DTNA: variants seen among roughly 807,000 people sequenced by gnomAD.
DTNA encodes the protein dystrobrevin alpha.
In DTNA, 43 loss-of-function variants were observed where a neutral mutation model predicts 100.7. That is an observed-to-expected ratio of 0.43 (90% CI 0.33 to 0.55). The LOEUF (loss-of-function observed/expected upper bound fraction) is 0.55, where lower values mean the gene tolerates loss of function less well. DTNA is among the 20% of genes least tolerant of loss of function. The probability of loss-of-function intolerance (pLI) is 0.04; values close to 1 mark genes in which losing one functional copy is unlikely to be tolerated. For missense variants in DTNA, 798 were observed against 953.9 expected, an observed-to-expected ratio of 0.84 and a Z score of 2.15; for synonymous variants, 349 against 347.9, an observed-to-expected ratio of 1.00 and a Z score of -0.04.
intron 1 of DTNA, among the ~76,000 whole-genome samples, chr18:34,689,464 AC>A (rs2079414868): frequency 6.6e-6 from 1 of 152,134 alleles, no homozygotes; most frequent in African/African-American, 2.4e-5. Flanking sequence ...CCTGGGTATC[AC>A]CAGTGAAGGC....
intron 1 of DTNA, among the ~76,000 whole-genome samples, chr18:34,523,844 A>G (rs2042365265): frequency 1.3e-5 from 2 of 152,170 alleles, no homozygotes; most frequent in African/African-American, 2.4e-5. Flanking sequence ...GTCTTTTACA[A>G]TCTTGCTTTC....
chr18:34,527,402 A>C (rs78917330), intron 1 of DTNA, among the ~76,000 whole-genome samples: 14,216 of 152,106 alleles, frequency 0.093, 892 homozygotes, highest in Non-Finnish European at 0.14. Context: ...GATGCTGCCA[A>C]AAGTTAATAA....
intron 1 of DTNA, among the ~76,000 whole-genome samples, chr18:34,719,108 A>C (rs1186832835): frequency 6.6e-6 from 1 of 151,994 alleles, no homozygotes; most frequent in African/African-American, 2.4e-5. Context: ...TGGGTGGATC[A>C]CCTGAGGTCA....
chr18:34,727,178 A>T (rs1420326362), intron 1 of DTNA, among the ~76,000 whole-genome samples: 6 of 152,238 alleles, frequency 3.9e-5, no homozygotes, highest in African/African-American at 1.4e-4. Flanking sequence ...ACAGGGCAGC[A>T]GGGTCCTGGG....
chr18:34,768,709 C>T (rs1482575561), intron 3 of DTNA, among the ~76,000 whole-genome samples: 3 of 152,142 alleles, frequency 2.0e-5, no homozygotes, highest in Admixed American at 2.0e-4. Flanking sequence ...TCAGTCTGTC[C>T]ATTCATTGAC....
At chr18:34,828,986 A>T in intron 10 of DTNA, 1 of 1,595,094 alleles carries the variant, frequency 6.3e-7, no homozygotes, top group East Asian at 2.2e-5. Context: ...CATTCTGCAA[A>T]TATCAAGCAG....
At chr18:34,695,772 A>T (rs12604414) in intron 1 of DTNA, among the ~76,000 whole-genome samples, 1 of 152,198 alleles carries the variant, frequency 6.6e-6, no homozygotes, top group Non-Finnish European at 1.5e-5. Flanking sequence ...CCTTTGAAAT[A>T]CTTTTTACAG....
chr18:34,841,023 C>G (rs2096258097), intron 13 of DTNA, among the ~76,000 whole-genome samples: 1 of 152,020 alleles, frequency 6.6e-6, no homozygotes, highest in Non-Finnish European at 1.5e-5. Context: ...GTTTTTAAAA[C>G]ACTTACCTCA....
At chr18:34,727,004 T>G (rs1317867604) in intron 1 of DTNA, among the ~76,000 whole-genome samples, 5 of 152,184 alleles carry the variant, frequency 3.3e-5, no homozygotes, top group Non-Finnish European at 7.3e-5. Flanking sequence ...CAAGCCTCCT[T>G]CACTTGTGCA....
In DTNA at chr18:34,869,501, A is replaced by G. The variant is rs535392946; in HGVS notation, c.1743+5439A>G. ...AAGTCCAGTAAGTTTATATTTTCCT[A>G]TTTCTGGTAACATTAGATATGATCC... On this transcript the variant is annotated intron_variant, in intron 17 of 22. Coordinates refer to ENST00000444659, the MANE Select transcript of DTNA (RefSeq NM_001386795.1). Among the ~76,000 whole-genome samples the G allele has an allele frequency of 5.3e-5, 8 of 152,318 alleles. No individual in the cohort carries two copies. In the South Asian group the frequency reaches 1.0e-3, roughly 20 times the overall value.
At chr18:34,518,704 C>CT (rs1410080545) in intron 1 of DTNA, among the ~76,000 whole-genome samples, 2 of 121,536 alleles carry the variant, frequency 1.6e-5, no homozygotes, top group African/African-American at 3.1e-5. Flanking sequence ...ATTTGGCAAA[C>CT]GTGTGTGTGT....
intron 1 of DTNA, among the ~76,000 whole-genome samples, chr18:34,602,220 G>C (rs919245799): frequency 6.6e-6 from 1 of 152,158 alleles, no homozygotes; most frequent in African/African-American, 2.4e-5. Flanking sequence ...AAATTTTTAA[G>C]CCAATATTTT....
chr18:34,868,269 C>CT (rs1238800651), intron 17 of DTNA: 9 of 241,348 alleles, frequency 3.7e-5, no homozygotes, highest in African/African-American at 2.1e-4. Context: ...TCACTGGGAG[C>CT]TTTATAGGAG....
chr18:34,726,302 C>G (rs984722221), intron 1 of DTNA, among the ~76,000 whole-genome samples: 1 of 151,962 alleles, frequency 6.6e-6, no homozygotes, highest in Non-Finnish European at 1.5e-5. Context: ...CCAAATCTAT[C>G]ATTCTTCCCC....
intron 1 of DTNA, among the ~76,000 whole-genome samples, chr18:34,578,741 T>A (rs28772700): frequency 0.1 from 15,634 of 152,172 alleles, 1,159 homozygotes; most frequent in African/African-American, 0.21. Flanking sequence ...TCCCACTTTA[T>A]GTTTTTGTTT....
chr18:34,765,626 A>G (rs990484834), intron 2 of DTNA, among the ~76,000 whole-genome samples: 3 of 152,210 alleles, frequency 2.0e-5, no homozygotes, highest in African/African-American at 4.8e-5. Flanking sequence ...GATAGTATCT[A>G]TATCATCTCG....
chr18:34,864,885 T>C (rs1568836504), intron 17 of DTNA, among the ~76,000 whole-genome samples: 2 of 152,254 alleles, frequency 1.3e-5, no homozygotes, highest in Non-Finnish European at 2.9e-5. Context: ...TTCTGTAGAG[T>C]GCTGTAATCT....
intron 1 of DTNA, among the ~76,000 whole-genome samples, chr18:34,589,841 T>TA: frequency 6.6e-6 from 1 of 152,196 alleles, no homozygotes. Flanking sequence ...AGATTCCACA[T>TA]ATAAGTGAGA....
intron 1 of DTNA, among the ~76,000 whole-genome samples, chr18:34,749,535 T>C (rs1213914749): frequency 6.6e-6 from 1 of 151,974 alleles, no homozygotes; most frequent in Non-Finnish European, 1.5e-5. Context: ...GAGGCAGTCA[T>C]AGCCGAGAAC....
Sources: gnomAD v4.1 joint callset for allele counts (sites outside exome capture counted in the v4.1 genomes callset) on GRCh38, gnomAD v4.1.1 for gene constraint, MANE v1.5 for transcripts, NCBI Gene and HGNC (gene_info 2026-07-23, HGNC 2026-07-21) for gene names.